SCAND3: variants seen among roughly 807,000 people sequenced by gnomAD.
The protein encoded by SCAND3 is SCAN domain containing 3.
chr6:28,607,215 C>T, the SCAND3 span, among the ~76,000 whole-genome samples: 2 of 152,106 alleles, frequency 1.3e-5, no homozygotes, highest in African/African-American at 4.8e-5. Context: ...GGGTTCAATC[C>T]CCGGCACCTC....
At chr6:28,581,718 A>G in the SCAND3 span, among the ~76,000 whole-genome samples, 1 of 152,338 alleles carries the variant, frequency 6.6e-6, no homozygotes, top group East Asian at 1.9e-4. Flanking sequence ...CTATCAGGAA[A>G]ATAAAAGCTT....
the SCAND3 span, among the ~76,000 whole-genome samples, chr6:28,595,498 A>T: frequency 6.6e-6 from 1 of 152,022 alleles, no homozygotes; most frequent in Non-Finnish European, 1.5e-5. Context: ...CGAAACGGGC[A>T]GATCACCTGA....
the SCAND3 span, among the ~76,000 whole-genome samples, chr6:28,595,762 G>C: frequency 6.6e-6 from 1 of 152,060 alleles, no homozygotes. Flanking sequence ...TAGATGAATG[G>C]ATATAACATG....
chr6:28,611,788 T>C, the SCAND3 span, among the ~76,000 whole-genome samples: 1 of 152,238 alleles, frequency 6.6e-6, no homozygotes, highest in Non-Finnish European at 1.5e-5. Context: ...TTTACACATC[T>C]AGAAAGACAA....
the SCAND3 span, chr6:28,575,751 A>G: frequency 2.5e-6 from 4 of 1,614,016 alleles, no homozygotes; most frequent in African/African-American, 4.0e-5. This position sits in a 1 kb window ranked among gnomAD's most constrained non-coding sequence, Gnocchi z 4.2. Flanking sequence ...CACCATGTCC[A>G]ATGCTGAGAT....
chr6:28,576,658 G>C, the SCAND3 span, among the ~76,000 whole-genome samples: 1 of 152,068 alleles, frequency 6.6e-6, no homozygotes, highest in Non-Finnish European at 1.5e-5. Context: ...AAACAATAAA[G>C]AGCAGAAAGC....
At chr6:28,573,899 G>A in the SCAND3 span, 1 of 1,391,194 alleles carries the variant, frequency 7.2e-7, no homozygotes, top group Non-Finnish European at 9.4e-7. Context: ...TATACCACAA[G>A]TTAAAAACTA....
the SCAND3 span, among the ~76,000 whole-genome samples, chr6:28,606,184 T>A: frequency 6.6e-6 from 1 of 152,182 alleles, no homozygotes; most frequent in Non-Finnish European, 1.5e-5. Context: ...AAGCAACTCA[T>A]AAGGCAAATG....
At chr6:28,572,430 G>A in the SCAND3 span, 1 of 1,613,250 alleles carries the variant, frequency 6.2e-7, no homozygotes, top group Non-Finnish European at 8.5e-7. This position sits in a 1 kb window ranked among gnomAD's most constrained non-coding sequence, Gnocchi z 4.1. Context: ...TATGAAACAT[G>A]TCATAACAAT....
chr6:28,570,806 G>A, the SCAND3 span: 2 of 152,098 alleles, frequency 1.3e-5, no homozygotes, highest in African/African-American at 4.8e-5. Flanking sequence ...ATTTGCTTTC[G>A]ATTATTCTAA....
chr6:28,582,526 G>C, the SCAND3 span, among the ~76,000 whole-genome samples: 1 of 152,120 alleles, frequency 6.6e-6, no homozygotes, highest in Non-Finnish European at 1.5e-5. The surrounding 1 kb of genome is among the most constrained non-coding windows in gnomAD (Gnocchi z 4.8). Flanking sequence ...CATGCTTTCT[G>C]CAAAACTGCA....
the SCAND3 span, chr6:28,579,405 T>C: frequency 1.2e-6 from 2 of 1,613,694 alleles, no homozygotes; most frequent in Admixed American, 3.3e-5. The surrounding 1 kb of genome is among the most constrained non-coding windows in gnomAD (Gnocchi z 4.5). Flanking sequence ...CCTGCCCATA[T>C]GTGCCCTGTG....
At chr6:28,573,116 C>T in the SCAND3 span, 4 of 1,610,008 alleles carry the variant, frequency 2.5e-6, no homozygotes, top group Non-Finnish European at 3.4e-6. Flanking sequence ...TTTATATCAT[C>T]ATCATGTTCA....
chr6:28,582,881 C>T, the SCAND3 span, among the ~76,000 whole-genome samples: 1 of 151,898 alleles, frequency 6.6e-6, no homozygotes, highest in Admixed American at 6.6e-5. The surrounding 1 kb of genome is among the most constrained non-coding windows in gnomAD (Gnocchi z 4.8). Context: ...AAGATCCTGC[C>T]ACTGCACTCC....
the SCAND3 span, among the ~76,000 whole-genome samples, chr6:28,610,792 C>T: frequency 2.0e-5 from 3 of 152,080 alleles, no homozygotes; most frequent in African/African-American, 7.2e-5. Context: ...CAAGAATATA[C>T]AGCACCAACT....
chr6:28,585,895 A>T, the SCAND3 span, among the ~76,000 whole-genome samples: 1 of 152,206 alleles, frequency 6.6e-6, no homozygotes, highest in Non-Finnish European at 1.5e-5. Flanking sequence ...TAGTATTTTC[A>T]TTGTACAGAT....
At chr6:28,604,546 G>A in the SCAND3 span, among the ~76,000 whole-genome samples, 2 of 151,038 alleles carry the variant, frequency 1.3e-5, no homozygotes, top group African/African-American at 2.4e-5. Context: ...AGCCCGGGAC[G>A]CAGAGGTTGC....
At chr6:28,598,296 C>G in the SCAND3 span, among the ~76,000 whole-genome samples, 1 of 152,224 alleles carries the variant, frequency 6.6e-6, no homozygotes, top group African/African-American at 2.4e-5. Context: ...CTCACTAGAG[C>G]TTCTCGGCTT....
chr6:28,589,702 G>A, the SCAND3 span: 4 of 152,054 alleles, frequency 2.6e-5, no homozygotes, highest in African/African-American at 9.7e-5. Flanking sequence ...AAAAGCTCCA[G>A]CAGCAACGTG....
Sources: gnomAD v4.1 joint callset for allele counts (sites outside exome capture counted in the v4.1 genomes callset) on GRCh38, gnomAD v4.1.1 for gene constraint, Gnocchi (gnomAD v3.1) non-coding constraint, MANE v1.5 for transcripts, NCBI Gene and HGNC (gene_info 2026-07-23, HGNC 2026-07-21) for gene names.